UBAP2: variants seen among roughly 807,000 people sequenced by gnomAD.
UBAP2 encodes ubiquitin-associated protein 2.
A neutral mutation model predicts 139.6 loss-of-function variants in UBAP2; 75 were observed. That is an observed-to-expected ratio of 0.54 (90% CI 0.45 to 0.65). The LOEUF (loss-of-function observed/expected upper bound fraction) is 0.65. Among genes scored for constraint, UBAP2 ranks in the 30% least tolerant of loss-of-function variants. The pLI is 0.00. For missense variants in UBAP2, 1,368 were observed against 1,369.6 expected, an observed-to-expected ratio of 1.00 and a Z score of 0.02; for synonymous variants, 526 against 526.2, an observed-to-expected ratio of 1.00 and a Z score of 0.01.
In UBAP2 at chr9:33,988,996, C is replaced by A; in HGVS notation, c.419G>T (p.Arg140Ile). Reference protein sequence around the residue: ...RGRGNNNRKGRGGNRGREFRG... With the variant: ...RGRGNNNRKGIGGNRGREFRG... ...ACATTCTCTGCCACGATTGCCGCCT[C>A]TTCCTTTCCGGTTGTTGTTTCCACG... Residue 140 changes from arginine to isoleucine, a missense_variant, in exon 5 of 29, where the codon AGA becomes ATA. Transcript: ENST00000379238. The A allele has an allele frequency of 6.2e-7, 1 of 1,613,708 alleles. No homozygotes were observed.
chr9:34,031,736 G>A (rs1408425206), intron 1 of UBAP2, among the ~76,000 whole-genome samples: 2 of 149,062 alleles, frequency 1.3e-5, no homozygotes, highest in Admixed American at 6.8e-5. Flanking sequence ...ACTGAGCTGA[G>A]ATCACACCAC....
chr9:34,028,669 T>C (rs1175978608), intron 1 of UBAP2, among the ~76,000 whole-genome samples: 1 of 152,004 alleles, frequency 6.6e-6, no homozygotes, highest in Non-Finnish European at 1.5e-5. Flanking sequence ...CACGAGCCAC[T>C]GCGACCAGCC....
chr9:33,996,389 T>C, intron 3 of UBAP2, 56 bp from the exon 4 acceptor site: 1 of 1,140,550 alleles, frequency 8.8e-7, no homozygotes, highest in East Asian at 2.3e-5. Context: ...CACTTGATAT[T>C]AAGATTCTTC....
chr9:34,001,039 C>T (rs1297310408), intron 2 of UBAP2, among the ~76,000 whole-genome samples: 1 of 152,050 alleles, frequency 6.6e-6, no homozygotes, highest in Non-Finnish European at 1.5e-5. Context: ...CATAACCAAC[C>T]AATAAGTCCC....
In UBAP2 at chr9:33,930,315, G is replaced by A. The variant is rs536936340; in HGVS notation, c.2175+2247C>T. Among the ~76,000 whole-genome samples the A allele has an allele frequency of 2.7e-3, 417 of 152,130 alleles. 1 individual carries two copies. Among genetic ancestry groups the A allele is most frequent in the Non-Finnish European group, 4.6e-3 (312 of 67,994 alleles). ...GCTGTTCCACATCACGTACTGACCC[G>A]CTACATACAGCTATACACATGAAAC... On this transcript the variant is annotated intron_variant, in intron 19 of 28. Transcript: ENST00000379238.
At chr9:34,029,125 A>T (rs1041825386) in intron 1 of UBAP2, among the ~76,000 whole-genome samples, 1 of 151,850 alleles carries the variant, frequency 6.6e-6, no homozygotes, top group Non-Finnish European at 1.5e-5. Flanking sequence ...CCTAAAAAAT[A>T]AAAAAAACTC....
At chr9:33,969,780 C>G (rs1459554482) in intron 8 of UBAP2, among the ~76,000 whole-genome samples, 1 of 151,134 alleles carries the variant, frequency 6.6e-6, no homozygotes, top group Non-Finnish European at 1.5e-5. Context: ...GCAAGAGAAT[C>G]GCTTGAACCT....
intron 1 of UBAP2, among the ~76,000 whole-genome samples, chr9:34,037,657 ATTTC>A (rs1826554067): frequency 6.6e-6 from 1 of 152,184 alleles, no homozygotes; most frequent in South Asian, 2.1e-4. Flanking sequence ...AGCAGTAGTT[ATTTC>A]TTGCTTATCA....
At chr9:34,042,813 C>T (rs191354447) in intron 1 of UBAP2, among the ~76,000 whole-genome samples, 5 of 151,616 alleles carry the variant, frequency 3.3e-5, no homozygotes, top group Admixed American at 2.6e-4. Context: ...GCATTAAGCT[C>T]ACACCTGTAA....
intron 2 of UBAP2, among the ~76,000 whole-genome samples, chr9:34,016,281 AGAGGAG>A (rs1261847573): frequency 0.12 from 2,760 of 23,374 alleles, 191 homozygotes; most frequent in Non-Finnish European, 0.16. Flanking sequence ...AGAAGGAGGA[AGAGGAG>A]GAGGAGGAAG....
intron 5 of UBAP2, among the ~76,000 whole-genome samples, chr9:33,988,717 G>A (rs1821419441): frequency 6.6e-6 from 1 of 152,198 alleles, no homozygotes; most frequent in African/African-American, 2.4e-5. Context: ...CACATGGGAG[G>A]CGCTTATGAA....
At chr9:33,987,463 T>C (rs1204149692) in intron 5 of UBAP2, among the ~76,000 whole-genome samples, 1 of 151,856 alleles carries the variant, frequency 6.6e-6, no homozygotes, top group Non-Finnish European at 1.5e-5. Context: ...TATCCAGGTA[T>C]GGTTGTGACA....
At chr9:34,014,535 A>G (rs1447522151) in intron 2 of UBAP2, among the ~76,000 whole-genome samples, 1 of 151,952 alleles carries the variant, frequency 6.6e-6, no homozygotes, top group African/African-American at 2.4e-5. Context: ...AGGCTGAGGC[A>G]GGAGAATCGC....
intron 3 of UBAP2, 76 bp from the exon 4 acceptor site, chr9:33,996,409 A>G: frequency 1.1e-6 from 1 of 933,542 alleles, no homozygotes; most frequent in East Asian, 2.4e-5. Flanking sequence ...CTATACAAAT[A>G]CAGAATTACA....
chr9:33,925,044 CAA>C (rs1160494364), intron 22 of UBAP2, among the ~76,000 whole-genome samples: 1 of 152,176 alleles, frequency 6.6e-6, no homozygotes, highest in African/African-American at 2.4e-5. Context: ...GCAGATACAA[CAA>C]AGTGTGGAGA....
intron 2 of UBAP2, 71 bp downstream of exon 2, chr9:34,016,979 C>T (rs1343232080): frequency 9.5e-7 from 1 of 1,058,022 alleles, no homozygotes; most frequent in African/African-American, 1.6e-5. Flanking sequence ...GTTCCACATA[C>T]CCTAAAACTT....
intron 2 of UBAP2, among the ~76,000 whole-genome samples, chr9:34,016,195 AAGGAAGAGGAGGAATAGG>A (rs1340686608): frequency 1.4e-4 from 9 of 66,146 alleles, no homozygotes; most frequent in South Asian, 9.7e-4. Context: ...GGAGGAATAG[AAGGAAGAGGAGGAATAGG>A]AGGAAGAGGA....
chr9:34,024,986 CA>C (rs377732672), intron 1 of UBAP2, among the ~76,000 whole-genome samples: 36 of 137,040 alleles, frequency 2.6e-4, no homozygotes, highest in African/African-American at 6.8e-4. Flanking sequence ...TCTGTCTCCC[CA>C]AAAAAAAAAA....
At chr9:33,992,114 G>A (rs1821760410) in intron 4 of UBAP2, among the ~76,000 whole-genome samples, 1 of 152,080 alleles carries the variant, frequency 6.6e-6, no homozygotes, top group Non-Finnish European at 1.5e-5. Flanking sequence ...TAGCAGCCGG[G>A]TGCAGTGGCT....
Sources: gnomAD v4.1 joint callset for allele counts (sites outside exome capture counted in the v4.1 genomes callset) on GRCh38, gnomAD v4.1.1 for gene constraint, MANE v1.5 for transcripts, NCBI Gene and HGNC (gene_info 2026-07-23, HGNC 2026-07-21) for gene names.